MMP16: variants seen among roughly 807,000 people sequenced by gnomAD.
MMP16 encodes matrix metallopeptidase 16.
A neutral mutation model predicts 67.8 loss-of-function variants in MMP16; 12 were observed. The observed-to-expected ratio is 0.18, with a 90% CI of 0.11 to 0.29. The LOEUF is 0.29. Ranked by LOEUF, MMP16 falls within the 10% of genes least tolerant of loss-of-function variation. MMP16 has a pLI of 1.00. For missense variants in MMP16, 475 were observed against 765.7 expected (o/e 0.62, Z 4.48); for synonymous variants, 249 against 255.9 (o/e 0.97, Z 0.26).
intron 4 of MMP16, among the ~76,000 whole-genome samples, chr8:88,140,716 T>G (rs1211532208): frequency 2.0e-5 from 3 of 152,158 alleles, no homozygotes; most frequent in African/African-American, 7.2e-5. Context: ...ATAACCTTAT[T>G]AAGCATATTT....
intron 1 of MMP16, among the ~76,000 whole-genome samples, chr8:88,211,231 C>T (rs535962730): frequency 6.6e-5 from 10 of 152,138 alleles, no homozygotes; most frequent in African/African-American, 2.2e-4. Flanking sequence ...TACAGGTGGG[C>T]CATTTTGCTG....
At chr8:88,110,988 T>C (rs993869820) in intron 6 of MMP16, among the ~76,000 whole-genome samples, 2 of 151,686 alleles carry the variant, frequency 1.3e-5, no homozygotes, top group Admixed American at 1.3e-4. Flanking sequence ...AATATTTGTC[T>C]ACTATGTTCA....
intron 6 of MMP16, among the ~76,000 whole-genome samples, chr8:88,099,013 TC>T (rs1440603063): frequency 6.6e-5 from 10 of 151,798 alleles, no homozygotes. Context: ...ACCATTTTTT[TC>T]CTTAGAAATA....
intron 4 of MMP16, among the ~76,000 whole-genome samples, chr8:88,125,851 G>A (rs1474150465): frequency 6.6e-6 from 1 of 151,748 alleles, no homozygotes; most frequent in Non-Finnish European, 1.5e-5. Flanking sequence ...TCCCTGGATA[G>A]CTCAGTTTGA....
intron 4 of MMP16, among the ~76,000 whole-genome samples, chr8:88,148,664 A>T (rs1354686237): frequency 1.3e-5 from 2 of 152,202 alleles, no homozygotes; most frequent in East Asian, 3.9e-4. Context: ...TCATTTGGAG[A>T]TATCCTTACT....
At chr8:88,098,718 T>C (rs550619690) in intron 6 of MMP16, among the ~76,000 whole-genome samples, 4 of 152,088 alleles carry the variant, frequency 2.6e-5, no homozygotes, top group African/African-American at 9.6e-5. Flanking sequence ...TCATTGTCTA[T>C]TGTGAACACC....
At chr8:88,287,603 G>A (rs1054506288) in intron 1 of MMP16, among the ~76,000 whole-genome samples, 4 of 152,048 alleles carry the variant, frequency 2.6e-5, no homozygotes, top group African/African-American at 9.7e-5. Context: ...AATATAGCAG[G>A]TACCCAATAA....
intron 6 of MMP16, among the ~76,000 whole-genome samples, chr8:88,094,293 T>C (rs1019868532): frequency 1.3e-5 from 2 of 151,766 alleles, no homozygotes; most frequent in East Asian, 3.9e-4. Flanking sequence ...CTGATAAATA[T>C]AACTACCAAA....
intron 1 of MMP16, among the ~76,000 whole-genome samples, chr8:88,324,207 A>G (rs1811504001): frequency 6.6e-6 from 1 of 152,194 alleles, no homozygotes; most frequent in African/African-American, 2.4e-5. Context: ...GCTTCTTAAA[A>G]AACAAGCTAA....
In MMP16 at chr8:88,069,352, AATTCCTG is replaced by A. The variant is rs766373282; in HGVS notation, c.1222+5246_1222+5252del. On this transcript the variant is annotated intron_variant, in intron 7 of 9. Coordinates refer to ENST00000286614, the MANE Select transcript of MMP16 (RefSeq NM_005941.5). ...AAATGGCCTTTTATTTTAAATTTTCAATTCCTGATTGTTCTTTGTTAGTATGTGATGG... is the reference window on the plus strand; with the variant it reads ...AAATGGCCTTTTATTTTAAATTTTCAATTGTTCTTTGTTAGTATGTGATGG... 9.6e-6 allele frequency: 4 copies of A among 416,618 alleles called. No individual in the cohort carries two copies. In the Admixed American group the frequency reaches 1.4e-4, roughly 15 times the overall value. The allele number at this position is 416,618 out of a possible 1,614,324, so 25.8% of individuals were successfully genotyped here.
intron 1 of MMP16, among the ~76,000 whole-genome samples, chr8:88,235,228 C>A (rs892712019): frequency 4.6e-5 from 7 of 151,958 alleles, no homozygotes; most frequent in Admixed American, 3.9e-4. Context: ...TCTGTCTCTA[C>A]TAAAAGTTCA....
At chr8:88,231,390 TAACC>T (rs1809857085) in intron 1 of MMP16, among the ~76,000 whole-genome samples, 1 of 152,184 alleles carries the variant, frequency 6.6e-6, no homozygotes, top group African/African-American at 2.4e-5. Flanking sequence ...ATCTTCCATA[TAACC>T]AACTGGAAGT....
intron 1 of MMP16, among the ~76,000 whole-genome samples, chr8:88,251,124 T>G (rs1466808094): frequency 6.6e-6 from 1 of 152,010 alleles, no homozygotes; most frequent in African/African-American, 2.4e-5. Context: ...TTTTTATGGC[T>G]GCATAGTATT....
Position 88,041,815 on chromosome 8 carries a change from C to T in MMP16, c.1490-20G>A. 6.5e-7 allele frequency: 1 copy of T among 1,543,824 alleles called. No homozygotes were observed. The highest frequency in any genetic ancestry group is 8.9e-7 in the Non-Finnish European group (1 of 1,127,218). On this transcript the variant is annotated intron_variant, in intron 9 of 9. Transcript: ENST00000286614. The surrounding 1 kb of genome is among the most constrained non-coding windows in gnomAD (Gnocchi z 6.0). ...TAAAGCCTAGGGGGAAAAACATACA[C>T]ACACACAGGTACCACTTATTTGTGA...
At chr8:88,134,424 G>A (rs1374249803) in intron 4 of MMP16, among the ~76,000 whole-genome samples, 2 of 151,452 alleles carry the variant, frequency 1.3e-5, no homozygotes, top group African/African-American at 4.8e-5. Flanking sequence ...TATGTACCTA[G>A]AACAGATCTT....
At chr8:88,094,023 G>A (rs780612378) in intron 6 of MMP16, among the ~76,000 whole-genome samples, 11 of 151,762 alleles carry the variant, frequency 7.2e-5, no homozygotes, top group Non-Finnish European at 1.3e-4. Flanking sequence ...AGTATAAGGC[G>A]GGTCTGTCTT....
chr8:88,264,748 A>C (rs573587928), intron 1 of MMP16, among the ~76,000 whole-genome samples: 1 of 152,324 alleles, frequency 6.6e-6, no homozygotes, highest in African/African-American at 2.4e-5. Context: ...CATGGCACTG[A>C]CCAGTCATCA....
In MMP16 at chr8:88,127,705, A is replaced by T. The variant is rs1807958072; in HGVS notation, c.710-8844T>A. ...TAAATTTCATATAGAAATATTTCAC[A>T]TTATTTTCACATAGTACCTTACATT... On this transcript the variant is annotated intron_variant, in intron 4 of 9. Coordinates refer to ENST00000286614, the MANE Select transcript of MMP16 (RefSeq NM_005941.5). Among the ~76,000 whole-genome samples the T allele has an allele frequency of 2.0e-5, 3 of 151,868 alleles. No individual in the cohort carries two copies. In the South Asian group the frequency reaches 6.2e-4, roughly 31 times the overall value.
At chr8:88,044,847 T>C (rs1052942122) in intron 9 of MMP16, among the ~76,000 whole-genome samples, 1 of 152,242 alleles carries the variant, frequency 6.6e-6, no homozygotes, top group African/African-American at 2.4e-5. Flanking sequence ...AATAAACTGA[T>C]GTGATCATCT....
Sources: allele counts gnomAD v4.1 joint callset (sites outside exome capture counted in the v4.1 genomes callset), GRCh38; gene constraint gnomAD v4.1.1; non-coding constraint Gnocchi (gnomAD v3.1); transcripts MANE v1.5; gene names NCBI Gene and HGNC (gene_info 2026-07-23, HGNC 2026-07-21).